SNTG2: variants seen among roughly 807,000 people sequenced by gnomAD.
The protein encoded by SNTG2 is gamma-2-syntrophin.
Under a neutral mutation model 70.9 loss-of-function variants are expected in SNTG2, and 74 were observed. The ratio of observed to expected loss-of-function variants is 1.04; its 90% CI spans 0.86 to 1.27. The LOEUF (loss-of-function observed/expected upper bound fraction) is 1.27, where lower values mean the gene tolerates loss of function less well. Ranked by LOEUF, SNTG2 falls within the 50% of genes most tolerant of loss-of-function variation. The pLI is 0.00. For missense variants in SNTG2, 717 were observed against 690.7 expected (o/e 1.04, Z -0.43); for synonymous variants, 278 against 273.8 (o/e 1.02, Z -0.15).
At chr2:1,128,828 A>G (rs1393069600) in intron 4 of SNTG2, among the ~76,000 whole-genome samples, 2 of 152,054 alleles carry the variant, frequency 1.3e-5, no homozygotes, top group Non-Finnish European at 2.9e-5. Context: ...TGCACAGGGA[A>G]TGCTCAGTTT....
intron 8 of SNTG2, among the ~76,000 whole-genome samples, chr2:1,183,671 G>C (rs1672074468): frequency 6.6e-6 from 1 of 152,118 alleles, no homozygotes; most frequent in African/African-American, 2.4e-5. Context: ...ATATGTGTGT[G>C]TGTGTACACA....
At chr2:1,244,169 A>T (rs967161400) in intron 11 of SNTG2, among the ~76,000 whole-genome samples, 1 of 152,238 alleles carries the variant, frequency 6.6e-6, no homozygotes, top group Non-Finnish European at 1.5e-5. Context: ...AGAATTTCTC[A>T]TCAGAACTAG....
At chr2:1,017,168 T>G (rs1222187877) in intron 1 of SNTG2, among the ~76,000 whole-genome samples, 1 of 152,166 alleles carries the variant, frequency 6.6e-6, no homozygotes, top group East Asian at 1.9e-4. Flanking sequence ...TGTAATTTGG[T>G]GTCTTATTGC....
chr2:1,087,390 A>G (rs1371834574), intron 2 of SNTG2, among the ~76,000 whole-genome samples: 3 of 152,160 alleles, frequency 2.0e-5, no homozygotes, highest in African/African-American at 7.2e-5. Context: ...TAACTATCAG[A>G]ATTCAAAGTA....
At chr2:1,194,825 C>A (rs1190473521) in intron 8 of SNTG2, among the ~76,000 whole-genome samples, 1 of 151,982 alleles carries the variant, frequency 6.6e-6, no homozygotes, top group African/African-American at 2.4e-5. Flanking sequence ...TTTGCTGCAC[C>A]CATCAACCTG....
chr2:1,241,043 G>C lies in SNTG2; in HGVS notation c.888+1267G>C, dbSNP rs372809130. On this transcript the variant is annotated intron_variant, in intron 11 of 16. Coordinates refer to ENST00000308624, the MANE Select transcript of SNTG2 (RefSeq NM_018968.4). ...CCTTTATCAAGGCTGGTGGGACAGT[G>C]GGCCAAAGTTTTGACATGATCTCTA... is the stretch of plus-strand genomic sequence containing the variant. 2.8e-4 allele frequency among the ~76,000 whole-genome samples: 43 copies of C among 152,276 alleles called. No homozygotes were observed. In the East Asian group the frequency reaches 8.1e-3, roughly 29 times the overall value.
Position 1,132,679 on chromosome 2 carries a change from C to T in SNTG2, c.326-4943C>T, listed in dbSNP as rs77176412. On this transcript the variant is annotated intron_variant, in intron 4 of 16. Coordinates refer to ENST00000308624, the MANE Select transcript of SNTG2 (RefSeq NM_018968.4). Reference sequence around the variant, plus strand: ...TGGCTGCAGGTCCGCCGCTGTTAGGCGGGTTAGCCATCCTCCACTGTGTAA... The same window carrying T: ...TGGCTGCAGGTCCGCCGCTGTTAGGTGGGTTAGCCATCCTCCACTGTGTAA... 5.7e-3 allele frequency among the ~76,000 whole-genome samples: 869 copies of T among 152,256 alleles called. 6 individuals carry two copies. Among genetic ancestry groups the T allele is most frequent in the African/African-American group, 0.02 (823 of 41,532 alleles).
intron 2 of SNTG2, among the ~76,000 whole-genome samples, chr2:1,088,147 A>G (rs1472772195): frequency 1.3e-5 from 2 of 152,206 alleles, no homozygotes; most frequent in East Asian, 3.8e-4. Context: ...ACAATATTTT[A>G]TAATTCAGCC....
At chr2:990,012 C>T (rs761759702) in intron 1 of SNTG2, among the ~76,000 whole-genome samples, 3 of 152,254 alleles carry the variant, frequency 2.0e-5, no homozygotes, top group Non-Finnish European at 2.9e-5. Context: ...CTGAGCTCCT[C>T]CAGGAGCTGG....
At chr2:1,017,968 G>T (rs940283262) in intron 1 of SNTG2, among the ~76,000 whole-genome samples, 1 of 152,064 alleles carries the variant, frequency 6.6e-6, no homozygotes, top group Non-Finnish European at 1.5e-5. Flanking sequence ...AGTGCCCCAC[G>T]CCATCTCCAG....
intron 8 of SNTG2, 51 bp from the exon 9 acceptor site, chr2:1,209,052 A>G (rs1673858961): frequency 1.9e-6 from 3 of 1,601,328 alleles, no homozygotes; most frequent in Non-Finnish European, 2.6e-6. Flanking sequence ...CTCTCCCCGC[A>G]TGCAGCCTCC....
chr2:1,355,920 AT>A (rs1660828244), intron 16 of SNTG2, among the ~76,000 whole-genome samples: 1 of 152,026 alleles, frequency 6.6e-6, no homozygotes, highest in Admixed American at 6.5e-5. Flanking sequence ...TGTGGTTTTG[AT>A]TTGCATTTCC....
intron 16 of SNTG2, among the ~76,000 whole-genome samples, chr2:1,363,122 A>C: frequency 9.8e-6 from 1 of 101,614 alleles, no homozygotes; most frequent in Non-Finnish European, 2.0e-5. Context: ...AAACCCTCAC[A>C]AAATGGACCC....
intron 4 of SNTG2, among the ~76,000 whole-genome samples, chr2:1,098,622 G>A (rs936973779): frequency 6.6e-6 from 1 of 152,188 alleles, no homozygotes; most frequent in Non-Finnish European, 1.5e-5. Context: ...TGGCCCTTAA[G>A]AGAGACACTA....
In SNTG2 at chr2:1,041,380, T is replaced by C. The variant is rs561718876; in HGVS notation, c.73-42138T>C. Among the ~76,000 whole-genome samples the C allele has an allele frequency of 3.3e-4, 51 of 152,362 alleles. No homozygotes were observed. The South Asian group carries it at 0.01, about 31-fold the overall frequency. On this transcript the variant is annotated intron_variant, in intron 1 of 16. Coordinates refer to ENST00000308624, the MANE Select transcript of SNTG2 (RefSeq NM_018968.4). ...AGACTTAAGTAAGGATCCAATCTAC[T>C]GTTTTTGTTGTTGTTGTTTTTTCAT...
At chr2:1,215,545 T>C (rs1343408452) in intron 9 of SNTG2, among the ~76,000 whole-genome samples, 1 of 102,910 alleles carries the variant, frequency 9.7e-6, no homozygotes, top group Non-Finnish European at 1.7e-5. Flanking sequence ...CTAATTCTTT[T>C]TTTTCTTTTT....
At chr2:1,030,517 T>C (rs1660756435) in intron 1 of SNTG2, among the ~76,000 whole-genome samples, 1 of 152,128 alleles carries the variant, frequency 6.6e-6, no homozygotes, top group Admixed American at 6.6e-5. Context: ...AACACCGAGC[T>C]GTCCACACGT....
chr2:1,125,937 T>C (rs1364077544), intron 4 of SNTG2, among the ~76,000 whole-genome samples: 1 of 152,188 alleles, frequency 6.6e-6, no homozygotes, highest in East Asian at 1.9e-4. Context: ...TTTATAGTGC[T>C]CAGATCAGGA....
intron 9 of SNTG2, among the ~76,000 whole-genome samples, chr2:1,212,019 G>A (rs560803674): frequency 1.8e-4 from 27 of 148,958 alleles, no homozygotes; most frequent in Admixed American, 1.1e-3. Context: ...GAAGTCAGCC[G>A]ACTGCCTGAG....
Sources: allele counts gnomAD v4.1 joint callset (sites outside exome capture counted in the v4.1 genomes callset), GRCh38; gene constraint gnomAD v4.1.1; transcripts MANE v1.5; gene names NCBI Gene and HGNC (gene_info 2026-07-23, HGNC 2026-07-21).